Variants in BRI3 observed in about 807,000 individuals in gnomAD.
BRI3 encodes the protein membrane protein BRI3.
In BRI3, 6 loss-of-function variants were observed where a neutral mutation model predicts 12.8. The observed-to-expected ratio is 0.47, with a 90% CI of 0.26 to 0.93. The LOEUF is 0.93. Among genes scored for constraint, BRI3 ranks in the 40% least tolerant of loss-of-function variants. BRI3 has a pLI of 0.15. For synonymous variants in BRI3, 91 were observed against 76.1 expected (o/e 1.20, Z -1.02); for missense variants, 134 against 171.1 (o/e 0.78, Z 1.21).
downstream of BRI3, among the ~76,000 whole-genome samples, chr7:98,297,376 G>A (rs1422136746): frequency 1.3e-5 from 2 of 152,292 alleles, no homozygotes; most frequent in African/African-American, 4.8e-5. Flanking sequence ...CGGGCAGCTC[G>A]GAGCACCGAG....
chr7:98,317,415 T>C, the BRI3 span: 1 of 1,596,354 alleles, frequency 6.3e-7, no homozygotes, highest in Non-Finnish European at 8.5e-7. Flanking sequence ...GTCACACAGT[T>C]TGCCTTTACT....
upstream of BRI3, among the ~76,000 whole-genome samples, chr7:98,301,559 C>T (rs1181875081): frequency 2.0e-5 from 3 of 151,476 alleles, no homozygotes; most frequent in Admixed American, 6.6e-5. Flanking sequence ...CCTCGTGATC[C>T]GCCCACTTCG....
rs143916467 is a variant in BRI3, at chr7:98,307,251, G to A, written n.145-264G>A. 1,452 of 308,190 alleles carry A rather than the reference G, an allele frequency of 4.7e-3. 19 individuals carry two copies. Among genetic ancestry groups the A allele is most frequent in the African/African-American group, 0.031 (1,368 of 44,298 alleles). The allele number at this position is 308,190 out of a possible 1,614,324, so 19.1% of individuals were successfully genotyped here. On this transcript the variant is annotated intron_variant and non_coding_transcript_variant, in intron 1 of 1. Transcript: ENST00000485422. ...CTCCCGAGTAGCTGGGATTACAGGC[G>A]CCTGCCACCACGCCTGGCTAATTTT...
At chr7:98,308,307 G>A (rs971830451) in exon 2 of BRI3, 2 of 461,162 alleles carry the variant, frequency 4.3e-6, no homozygotes, top group African/African-American at 2.0e-5. Context: ...AACTGCCAAT[G>A]TCCACAAAGA....
At chr7:98,293,230 TTAAA>T, downstream of BRI3, 1 of 337,218 alleles carries the variant, frequency 3.0e-6, no homozygotes, top group Non-Finnish European at 5.4e-6. Flanking sequence ...AAAAATTCAT[TTAAA>T]AAATACAGTA....
rs1799521039 is a variant in BRI3, at chr7:98,281,730, G to GCCGCGTCCC, written c.-61_-53dup. The GCCGCGTCCC allele has an allele frequency of 1.2e-6, 1 of 833,204 alleles. No individual in the cohort carries two copies. The highest frequency in any genetic ancestry group is 5.4e-5 in the South Asian group (1 of 18,394). 51.6% of individuals were successfully genotyped at this position (833,204 alleles called of 1,614,324 possible). ...GGTCCGCCGCGTCCCCGCCGCCGCC[G>GCCGCGTCCC]CCGCGTCCCCCGCCGGGGCCGACCG... is the stretch of plus-strand genomic sequence containing the variant. On this transcript the variant is annotated 5_prime_UTR_variant, in exon 1 of 3. Transcript: ENST00000297290.
intron 1 of BRI3, among the ~76,000 whole-genome samples, chr7:98,298,334 T>C (rs751124354): frequency 1.3e-5 from 2 of 149,172 alleles, no homozygotes; most frequent in African/African-American, 2.5e-5. Context: ...CATTAGGGGC[T>C]GGGTGCGGTG....
At chr7:98,283,950 G>GCCCTGCCACTTC (rs1279465994) in intron 2 of BRI3, among the ~76,000 whole-genome samples, 1 of 152,210 alleles carries the variant, frequency 6.6e-6, no homozygotes, top group Non-Finnish European at 1.5e-5. Flanking sequence ...GGGGGCACTG[G>GCCCTGCCACTTC]CCCTGCCACT....
At chr7:98,320,031 G>A in the BRI3 span, 4,172 of 1,591,910 alleles carry the variant, frequency 2.6e-3, 11 homozygotes, top group Non-Finnish European at 3.3e-3. Context: ...GCCCAAGGCT[G>A]GGGCTGGAGG....
At chr7:98,287,211 C>G (rs1584392702) in intron 2 of BRI3, among the ~76,000 whole-genome samples, 1 of 152,236 alleles carries the variant, frequency 6.6e-6, no homozygotes, top group Non-Finnish European at 1.5e-5. Context: ...TCCCCAGAGA[C>G]CCGGGGGCCT....
At chr7:98,322,858 A>G in the BRI3 span, 1 of 152,294 alleles carries the variant, frequency 6.6e-6, no homozygotes, top group African/African-American at 2.4e-5. Flanking sequence ...TGCTCCCGCC[A>G]TGGTGTTCCA....
At chr7:98,300,154 G>A (rs983400141) in intron 1 of BRI3, among the ~76,000 whole-genome samples, 2 of 152,220 alleles carry the variant, frequency 1.3e-5, no homozygotes, top group Admixed American at 1.3e-4. Context: ...GGACTGGGCA[G>A]GGAACATTTC....
chr7:98,292,261 C>A (rs1353598163), downstream of BRI3: 5 of 263,548 alleles, frequency 1.9e-5, no homozygotes, highest in Admixed American at 1.5e-4. Flanking sequence ...ACACGGTGAG[C>A]GGCCGGGCTG....
intron 2 of BRI3, among the ~76,000 whole-genome samples, chr7:98,283,459 C>G (rs1457140458): frequency 6.9e-6 from 1 of 145,248 alleles, no homozygotes; most frequent in Non-Finnish European, 1.5e-5. Context: ...GACCCCGTGA[C>G]AAACCCTAAC....
intron 2 of BRI3, among the ~76,000 whole-genome samples, chr7:98,289,508 T>G (rs1377786302): frequency 6.6e-6 from 1 of 152,196 alleles, no homozygotes; most frequent in South Asian, 2.1e-4. Flanking sequence ...AAGGCACAGG[T>G]AGTCATGCTT....
intron 1 of BRI3, chr7:98,306,847 G>A (rs1562967032): frequency 3.1e-6 from 1 of 324,636 alleles, no homozygotes; most frequent in Non-Finnish European, 5.8e-6. Flanking sequence ...GCTGTGACTA[G>A]AAGTGTGCAC....
At chr7:98,304,522 A>C (rs781024243), upstream of BRI3, 22 of 815,214 alleles carry the variant, frequency 2.7e-5, no homozygotes, top group Non-Finnish European at 3.9e-5. Context: ...AGACACACAC[A>C]GTACATATAT....
the BRI3 span, chr7:98,319,969 G>T: frequency 9.7e-7 from 1 of 1,027,830 alleles, no homozygotes; most frequent in Non-Finnish European, 1.5e-6. Flanking sequence ...CCTGTCTGCT[G>T]CTGATGAGTC....
exon 2 of BRI3, chr7:98,307,623 A>G (rs1174119241): frequency 6.3e-7 from 1 of 1,594,026 alleles, no homozygotes; most frequent in Non-Finnish European, 8.6e-7. Flanking sequence ...GACAGTTTGC[A>G]GCTTGGCTGC....
Sources: gnomAD v4.1 joint callset for allele counts (sites outside exome capture counted in the v4.1 genomes callset) on GRCh38, gnomAD v4.1.1 for gene constraint, MANE v1.5 for transcripts, NCBI Gene and HGNC (gene_info 2026-07-23, HGNC 2026-07-21) for gene names.